The following ATP8B4 variants were observed in gnomAD, a reference collection of about 807,000 sequenced individuals.
ATP8B4 encodes probable phospholipid-transporting ATPase IM.
A neutral mutation model predicts 145.6 loss-of-function variants in ATP8B4; 133 were observed. That is an observed-to-expected ratio of 0.91 (90% CI 0.79 to 1.05). ATP8B4 has a LOEUF of 1.05. Among genes scored for constraint, ATP8B4 ranks in the 50% least tolerant of loss-of-function variants. The pLI, the probability that ATP8B4 is intolerant of heterozygous loss-of-function variation, is 0.00. For missense variants in ATP8B4, 1,458 were observed against 1,425.2 expected (o/e 1.02, Z -0.37); for synonymous variants, 507 against 492.9 (o/e 1.03, Z -0.38).
chr15:50,089,645 A>C lies in ATP8B4; in HGVS notation c.29-15460T>G, dbSNP rs151260623. On this transcript the variant is annotated intron_variant, in intron 2 of 27. Coordinates refer to ENST00000284509, the MANE Select transcript of ATP8B4 (RefSeq NM_024837.4). ...CACAGATGCTAGTGAGGCTGTGGAG[A>C]AACAGGAACTTTTTTTTTTCTTTCT... 5.3e-5 allele frequency among the ~76,000 whole-genome samples: 8 copies of C among 152,204 alleles called. No homozygotes were observed. In the East Asian group the frequency reaches 1.4e-3, roughly 26 times the overall value.
At chr15:49,980,517 T>C (rs915653121) in intron 11 of ATP8B4, among the ~76,000 whole-genome samples, 2 of 152,178 alleles carry the variant, frequency 1.3e-5, no homozygotes, top group East Asian at 3.8e-4. Flanking sequence ...ATGTAAGGAA[T>C]ATCTGAATGT....
intron 13 of ATP8B4, among the ~76,000 whole-genome samples, chr15:49,963,457 C>T (rs2044261269): frequency 6.6e-6 from 1 of 152,186 alleles, no homozygotes; most frequent in South Asian, 2.1e-4. Flanking sequence ...AAGATACACA[C>T]ACATACGTTC....
At chr15:50,108,746 G>A (rs1049395919) in intron 1 of ATP8B4, among the ~76,000 whole-genome samples, 3 of 152,174 alleles carry the variant, frequency 2.0e-5, no homozygotes, top group South Asian at 4.2e-4. Flanking sequence ...GTGTGTTCCC[G>A]TAGAACCTGG....
intron 2 of ATP8B4, among the ~76,000 whole-genome samples, chr15:50,088,294 C>T (rs1262129618): frequency 2.0e-5 from 3 of 151,942 alleles, no homozygotes; most frequent in African/African-American, 7.2e-5. Flanking sequence ...TTGCTTGAAC[C>T]CGGGAGGCGT....
At chr15:49,920,804 A>C (rs2153455013) in intron 17 of ATP8B4, among the ~76,000 whole-genome samples, 1 of 152,234 alleles carries the variant, frequency 6.6e-6, no homozygotes, top group African/African-American at 2.4e-5. Context: ...TGTTTTATGG[A>C]CCTCAGCTTT....
At chr15:49,866,560 G>C in intron 25 of ATP8B4, 76 bp from the exon 26 acceptor site, 1 of 1,548,188 alleles carries the variant, frequency 6.5e-7, no homozygotes, top group Non-Finnish European at 8.8e-7. Flanking sequence ...GATGTTTCGC[G>C]AGAACTGCCC....
intron 3 of ATP8B4, among the ~76,000 whole-genome samples, chr15:50,060,372 C>A (rs1861005173): frequency 1.3e-5 from 2 of 152,126 alleles, no homozygotes; most frequent in African/African-American, 4.8e-5. Context: ...AACGAAACAA[C>A]AATCCAATTA....
chr15:49,913,894 A>G (rs539214504), intron 20 of ATP8B4, among the ~76,000 whole-genome samples: 1 of 152,202 alleles, frequency 6.6e-6, no homozygotes, highest in Non-Finnish European at 1.5e-5. Context: ...AAATGAAAAG[A>G]CATTCCATGC....
chr15:50,105,570 C>T (rs2056634926), intron 2 of ATP8B4, among the ~76,000 whole-genome samples: 1 of 151,812 alleles, frequency 6.6e-6, no homozygotes, highest in South Asian at 2.1e-4. Context: ...AGGATAATTC[C>T]ATTTGGGGAT....
chr15:49,861,402 ATGTG>A (rs58396806), intron 27 of ATP8B4, among the ~76,000 whole-genome samples: 38 of 99,268 alleles, frequency 3.8e-4, no homozygotes, highest in Middle Eastern at 5.5e-3. Flanking sequence ...TTAAAAAAAA[ATGTG>A]TGTGTGTGTG....
At position 49,860,023 on chromosome 15, in the gene ATP8B4, T is replaced by C. The variant is rs1193642161; in HGVS notation, c.*171A>G. On this transcript the variant is annotated 3_prime_UTR_variant, in exon 28 of 28. Transcript: ENST00000284509. ...AGTGACCCTCTGGCCTGGTTTTCCA[T>C]AGCGCACACTCCTGTTTGATGGGCA... 5.4e-6 allele frequency: 4 copies of C among 734,908 alleles called. No individual in the cohort carries two copies. The highest frequency in any genetic ancestry group is 5.3e-5 in the African/African-American group (3 of 56,260). The allele number at this position is 734,908 out of a possible 1,614,324, so 45.5% of individuals were successfully genotyped here. A position where few individuals can be genotyped will look rare whatever the true frequency, so the allele number is the denominator to read the frequency against.
At chr15:49,946,158 T>C (rs1422424499) in intron 14 of ATP8B4, among the ~76,000 whole-genome samples, 1 of 152,100 alleles carries the variant, frequency 6.6e-6, no homozygotes, top group Non-Finnish European at 1.5e-5. Flanking sequence ...AGACAAAAAA[T>C]TTTAAAAAGT....
At chr15:49,995,491 A>G (rs1033419213) in intron 9 of ATP8B4, among the ~76,000 whole-genome samples, 2 of 152,136 alleles carry the variant, frequency 1.3e-5, no homozygotes, top group Non-Finnish European at 2.9e-5. Flanking sequence ...TCTGACTTCA[A>G]TCTCAATTCG....
intron 7 of ATP8B4, chr15:50,009,135 G>A (rs553157469): frequency 2.6e-5 from 4 of 152,240 alleles, no homozygotes; most frequent in East Asian, 3.9e-4. Context: ...AGTAGAACTC[G>A]AATGAGTTGC....
At chr15:50,009,710 G>GT in intron 7 of ATP8B4, 1 of 454,520 alleles carries the variant, frequency 2.2e-6, no homozygotes, top group South Asian at 1.6e-5. Context: ...AATTTAAATT[G>GT]TGGCTTAAAT....
At chr15:50,061,586 G>A (rs947409859) in intron 3 of ATP8B4, among the ~76,000 whole-genome samples, 1 of 152,050 alleles carries the variant, frequency 6.6e-6, no homozygotes, top group Non-Finnish European at 1.5e-5. Flanking sequence ...AAAATTAACT[G>A]CTTTTCATAT....
chr15:49,892,255 G>A (rs1271318567), intron 23 of ATP8B4, among the ~76,000 whole-genome samples: 1 of 152,100 alleles, frequency 6.6e-6, no homozygotes, highest in Non-Finnish European at 1.5e-5. Flanking sequence ...GTGACAAGTT[G>A]TGTTTTTAAT....
At chr15:50,106,377 A>G (rs2056683608) in intron 2 of ATP8B4, among the ~76,000 whole-genome samples, 1 of 152,198 alleles carries the variant, frequency 6.6e-6, no homozygotes, top group Non-Finnish European at 1.5e-5. Flanking sequence ...AGCAAACTGA[A>G]AAGTGTTAAT....
At chr15:49,862,680 G>T (rs766210750) in intron 26 of ATP8B4, among the ~76,000 whole-genome samples, 3 of 151,984 alleles carry the variant, frequency 2.0e-5, no homozygotes, top group African/African-American at 7.3e-5. Context: ...GGATGGTCTC[G>T]ATCTGACCTC....
Sources: gnomAD v4.1 joint callset for allele counts (sites outside exome capture counted in the v4.1 genomes callset) on GRCh38, gnomAD v4.1.1 for gene constraint, MANE v1.5 for transcripts, NCBI Gene and HGNC (gene_info 2026-07-23, HGNC 2026-07-21) for gene names.